Variants in PCDHGA1 observed in about 807,000 individuals in gnomAD.
PCDHGA1 encodes the protein protocadherin gamma subfamily A, 1.
A neutral mutation model predicts 58.0 loss-of-function variants in PCDHGA1; 32 were observed. The observed-to-expected ratio is 0.55, with a 90% confidence interval of 0.42 to 0.74. PCDHGA1 has a LOEUF of 0.74. PCDHGA1 is among the 30% of genes least tolerant of loss of function. PCDHGA1 has a pLI of 0.00. For synonymous variants in PCDHGA1, 498 were observed against 501.1 expected, an observed-to-expected ratio of 0.99 and a Z score of 0.08; for missense variants, 1,205 against 1,182.3, an observed-to-expected ratio of 1.02 and a Z score of -0.28.
chr5:141,507,601 A>G (rs2099861935), intron 3 of PCDHGA1, among the ~76,000 whole-genome samples: 1 of 152,254 alleles, frequency 6.6e-6, no homozygotes, highest in South Asian at 2.1e-4. Flanking sequence ...TGAGGGAAAT[A>G]AACAGGTATA....
Position 141,332,364 on chromosome 5 carries a change from C to A in PCDHGA1, c.1680C>A (p.Pro560=). The change falls in exon 1 of 4, where the codon CCC becomes CCA. Residue 560 remains proline, a synonymous_variant. Transcript: ENST00000517417. The surrounding 1 kb of genome is among the most constrained non-coding windows in gnomAD (Gnocchi z 4.6). ...TGCTGGACCAGAACGACAACGCGCC[C>A]GAGATCCTGTACCCCGCCCTCCCCA... The part of the protein sequence containing the change: ...LFLLDQNDNA[P]EILYPALPTD... 6.2e-7 allele frequency: 1 copy of A among 1,614,214 alleles called. No homozygotes were observed. Among genetic ancestry groups the A allele is most frequent in the Non-Finnish European group, 8.5e-7 (1 of 1,180,044 alleles).
chr5:141,355,143 T>C, intron 1 of PCDHGA1: 1 of 1,525,970 alleles, frequency 6.6e-7, no homozygotes, highest in Non-Finnish European at 8.8e-7. Context: ...ATCCTGGGGC[T>C]CCTCAGGCCT....
chr5:141,362,425 G>A, intron 1 of PCDHGA1: 1 of 1,614,008 alleles, frequency 6.2e-7, no homozygotes, highest in South Asian at 1.1e-5. Flanking sequence ...AGCCAAGACA[G>A]AGTTCAATTT....
At chr5:141,372,434 T>A (rs767132959) in intron 1 of PCDHGA1, 27 of 1,613,890 alleles carry the variant, frequency 1.7e-5, no homozygotes, top group Non-Finnish European at 2.0e-5. Flanking sequence ...ACCGCCCCAC[T>A]CCCTCTGACC....
At chr5:141,492,189 G>A (rs2099737936) in intron 1 of PCDHGA1, among the ~76,000 whole-genome samples, 1 of 152,204 alleles carries the variant, frequency 6.6e-6, no homozygotes, top group East Asian at 1.9e-4. Flanking sequence ...GCACCTGTCT[G>A]CGGGACTTAG....
chr5:141,478,911 T>TA, intron 1 of PCDHGA1: 1 of 871,162 alleles, frequency 1.1e-6, no homozygotes, highest in Non-Finnish European at 1.7e-6. Flanking sequence ...AGCTGCTGGA[T>TA]ACCTCTAACC....
chr5:141,345,506 G>C (rs1402758990), intron 1 of PCDHGA1: 1 of 1,614,108 alleles, frequency 6.2e-7, no homozygotes. Flanking sequence ...CTTATGCATT[G>C]ACCGAGGACA....
chr5:141,503,392 C>T lies in PCDHGA1; in HGVS notation c.2481-2001C>T, dbSNP rs554732406. 1.2e-4 allele frequency among the ~76,000 whole-genome samples: 18 copies of T among 151,870 alleles called. No individual in the cohort carries two copies. The South Asian group carries it at 3.5e-3, about 30-fold the overall frequency. On this transcript the variant is annotated intron_variant, in intron 2 of 3. Transcript: ENST00000517417. ...CAGGTGGATCATGAGGTCAGGAGTT[C>T]GAAACCAACCTGGCCAATATGGTGA...
At chr5:141,480,873 C>T (rs1026513782) in intron 1 of PCDHGA1, among the ~76,000 whole-genome samples, 5 of 152,050 alleles carry the variant, frequency 3.3e-5, no homozygotes, top group Non-Finnish European at 7.4e-5. Context: ...GGTGAAACCC[C>T]GTCTCTACTA....
chr5:141,456,098 C>A (rs1222639126), intron 1 of PCDHGA1, among the ~76,000 whole-genome samples: 1 of 151,980 alleles, frequency 6.6e-6, no homozygotes. Context: ...GGGATTTCAC[C>A]GTGTTAGCCA....
At position 141,393,516 on chromosome 5, in the gene PCDHGA1, A is replaced by G. The variant is rs368866192; in HGVS notation, c.2421+60411A>G. 1.5e-5 allele frequency: 24 copies of G among 1,614,046 alleles called. No homozygotes were observed. Among genetic ancestry groups the G allele is most frequent in the African/African-American group, 2.7e-5 (2 of 75,084 alleles). ...GCGCATCCACGTGACAGTGTTGGAT[A>G]CAAATGACAATGCCCCGGTTTTTCC... is the stretch of plus-strand genomic sequence containing the variant. On this transcript the variant is annotated intron_variant, in intron 1 of 3. Transcript: ENST00000517417.
chr5:141,345,853 G>A lies in PCDHGA1; in HGVS notation c.2421+12748G>A, dbSNP rs1264864080. The A allele has an allele frequency of 1.6e-5, 26 of 1,613,182 alleles. No homozygotes were observed. The highest frequency in any genetic ancestry group is 4.0e-5 in the African/African-American group (3 of 74,870). ...GGCCAGAACGCCTGGCTGTCCTACCGCCTGCTCAAGGCCAGCGAGCCGGGA... is the reference window on the plus strand; with the variant it reads ...GGCCAGAACGCCTGGCTGTCCTACCACCTGCTCAAGGCCAGCGAGCCGGGA... On this transcript the variant is annotated intron_variant, in intron 1 of 3. Coordinates refer to ENST00000517417, the MANE Select transcript of PCDHGA1 (RefSeq NM_018912.3).
intron 1 of PCDHGA1, among the ~76,000 whole-genome samples, chr5:141,401,895 TC>T (rs2094205697): frequency 6.6e-6 from 1 of 152,224 alleles, no homozygotes; most frequent in Non-Finnish European, 1.5e-5. Context: ...GTGTTCTTTT[TC>T]CCAAATTATT....
chr5:141,472,980 C>CAAAAAAAAAAAAAAA (rs60579131), intron 1 of PCDHGA1, among the ~76,000 whole-genome samples: 13 of 86,076 alleles, frequency 1.5e-4, no homozygotes, highest in African/African-American at 1.9e-4. Context: ...GAGTGAAACT[C>CAAAAAAAAAAAAAAA]AAAAAAAAAA....
At position 141,332,664 on chromosome 5, in the gene PCDHGA1, C is replaced by T. The variant is rs1756420757; in HGVS notation, c.1980C>T (p.Leu660=). ...GQPPLSATVT[L]TVAVADRISD... is the part of the protein sequence containing the mutation. ...CCCCGCTCTCCGCCACTGTCACGCTCACCGTGGCCGTGGCCGACAGGATCT... is the reference window on the plus strand; with the variant it reads ...CCCCGCTCTCCGCCACTGTCACGCTTACCGTGGCCGTGGCCGACAGGATCT... The change falls in exon 1 of 4, where the codon CTC becomes CTT. Residue 660 remains leucine (L), a synonymous_variant. Coordinates refer to ENST00000517417, the MANE Select transcript of PCDHGA1 (RefSeq NM_018912.3). The surrounding 1 kb of genome is among the most constrained non-coding windows in gnomAD (Gnocchi z 4.6). 6 of 1,613,448 alleles carry T rather than the reference C, an allele frequency of 3.7e-6. No individual in the cohort carries two copies. The highest frequency in any genetic ancestry group is 5.1e-6 in the Non-Finnish European group (6 of 1,179,826).
intron 3 of PCDHGA1, among the ~76,000 whole-genome samples, chr5:141,510,533 C>A (rs1366903068): frequency 6.6e-6 from 1 of 152,118 alleles, no homozygotes; most frequent in Non-Finnish European, 1.5e-5. Flanking sequence ...GAGAGAAATA[C>A]CAGCGAATGT....
intron 1 of PCDHGA1, chr5:141,420,929 G>A (rs1321290902): frequency 1.4e-5 from 5 of 362,196 alleles, no homozygotes; most frequent in Non-Finnish European, 2.5e-5. Flanking sequence ...AAAGGTGAGC[G>A]TAATCATTTC....
rs770235234 is a variant in PCDHGA1 at position 141,422,145 on chromosome 5, G to T, written c.2422-72662G>T. On this transcript the variant is annotated intron_variant, in intron 1 of 3. Coordinates refer to ENST00000517417, the MANE Select transcript of PCDHGA1 (RefSeq NM_018912.3). Reference sequence around the variant, plus strand: ...AAACTGGAGAAGTTCAAGTACGGGGGTCTCTGGATTTTGAAAAATATAGAT... The same window carrying T: ...AAACTGGAGAAGTTCAAGTACGGGGTTCTCTGGATTTTGAAAAATATAGAT... The T allele has an allele frequency of 8.2e-6, 13 of 1,580,608 alleles. No individual in the cohort carries two copies. The African/African-American group carries it at 1.5e-4, about 18-fold the overall frequency.
At chr5:141,459,218 C>T (rs2098963524) in intron 1 of PCDHGA1, among the ~76,000 whole-genome samples, 1 of 152,220 alleles carries the variant, frequency 6.6e-6, no homozygotes, top group South Asian at 2.1e-4. Context: ...TTCTCCAGCT[C>T]CAGGCAACAA....
Sources: gnomAD v4.1 joint callset for allele counts (sites outside exome capture counted in the v4.1 genomes callset) on GRCh38, gnomAD v4.1.1 for gene constraint, Gnocchi (gnomAD v3.1) non-coding constraint, MANE v1.5 for transcripts, NCBI Gene and HGNC (gene_info 2026-07-23, HGNC 2026-07-21) for gene names.